The following CADPS2 variants were observed in gnomAD, a reference collection of about 807,000 sequenced individuals.
The protein encoded by CADPS2 is calcium-dependent secretion activator 2.
In CADPS2, 93 loss-of-function variants were observed where a neutral mutation model predicts 172.5. That is an observed-to-expected ratio of 0.54 (90% CI 0.46 to 0.64). CADPS2 has a LOEUF of 0.64. CADPS2 is among the 30% of genes least tolerant of loss of function. The pLI is 0.00. For missense variants in CADPS2, 1,420 were observed against 1,565.9 expected (o/e 0.91, Z 1.57); for synonymous variants, 546 against 555.2 (o/e 0.98, Z 0.23).
At chr7:122,749,584 T>C (rs142030042) in intron 1 of CADPS2, among the ~76,000 whole-genome samples, 6 of 152,214 alleles carry the variant, frequency 3.9e-5, no homozygotes, top group African/African-American at 1.4e-4. Flanking sequence ...GTAAATTAAA[T>C]TATATTGATT....
At chr7:122,526,309 A>G (rs2061231540) in intron 8 of CADPS2, among the ~76,000 whole-genome samples, 1 of 152,050 alleles carries the variant, frequency 6.6e-6, no homozygotes, top group South Asian at 2.1e-4. Flanking sequence ...CTCATGCCTC[A>G]GCCTCCTGAG....
chr7:122,787,329 T>C (rs1794280432), intron 1 of CADPS2, among the ~76,000 whole-genome samples: 1 of 152,202 alleles, frequency 6.6e-6, no homozygotes, highest in African/African-American at 2.4e-5. Context: ...ATGTATTCCT[T>C]GGAGAATTCA....
chr7:122,616,974 A>G (rs1315340401), intron 5 of CADPS2, among the ~76,000 whole-genome samples: 1 of 152,246 alleles, frequency 6.6e-6, no homozygotes, highest in Non-Finnish European at 1.5e-5. Flanking sequence ...TTTAAAATGT[A>G]TGAAACAACA....
chr7:122,859,310 G>A (rs1323170528), intron 1 of CADPS2, among the ~76,000 whole-genome samples: 1 of 152,168 alleles, frequency 6.6e-6, no homozygotes, highest in African/African-American at 2.4e-5. Flanking sequence ...TTAATTAGAT[G>A]ACATCCTTCT....
chr7:122,352,079 G>A (rs1378874226), intron 27 of CADPS2, among the ~76,000 whole-genome samples: 2 of 152,188 alleles, frequency 1.3e-5, no homozygotes, highest in African/African-American at 4.8e-5. Flanking sequence ...GGGACTATGA[G>A]GATCAAGTAT....
intron 2 of CADPS2, among the ~76,000 whole-genome samples, chr7:122,677,806 T>C (rs1266542617): frequency 6.6e-6 from 1 of 152,162 alleles, no homozygotes; most frequent in South Asian, 2.1e-4. Context: ...ATTTATCAAT[T>C]TGTGGCTCAT....
At chr7:122,560,442 A>G (rs538593191) in intron 7 of CADPS2, among the ~76,000 whole-genome samples, 1 of 152,304 alleles carries the variant, frequency 6.6e-6, no homozygotes, top group African/African-American at 2.4e-5. Context: ...CAAGTAAAGA[A>G]TAATTCCCCT....
chr7:122,774,784 T>A (rs1451434750), intron 1 of CADPS2, among the ~76,000 whole-genome samples: 1 of 152,208 alleles, frequency 6.6e-6, no homozygotes, highest in African/African-American at 2.4e-5. Flanking sequence ...ATTTATTAAC[T>A]TTCCTTTGAG....
chr7:122,574,375 G>C (rs921563856), intron 7 of CADPS2, among the ~76,000 whole-genome samples: 1 of 143,786 alleles, frequency 7.0e-6, no homozygotes, highest in Non-Finnish European at 1.5e-5. Context: ...GAGCCTAGCA[G>C]GTGGAGGCTG....
rs184065081 is a variant in CADPS2, at chr7:122,704,831, T to A, written c.453+32124A>T. Among the ~76,000 whole-genome samples the A allele has an allele frequency of 1.5e-3, 231 of 152,170 alleles. 1 individual carries two copies. Among genetic ancestry groups the A allele is most frequent in the Non-Finnish European group, 2.3e-3 (155 of 67,998 alleles). On this transcript the variant is annotated intron_variant, in intron 2 of 29. Transcript: ENST00000449022. Reference sequence around the variant, plus strand: ...GACATCTGGCTGCTTCTGCAGACATTTTTTGATTGTCACAATTAGAGAGTG... The same window carrying A: ...GACATCTGGCTGCTTCTGCAGACATATTTTGATTGTCACAATTAGAGAGTG...
At chr7:122,449,305 G>T (rs1195231550) in intron 15 of CADPS2, among the ~76,000 whole-genome samples, 1 of 152,002 alleles carries the variant, frequency 6.6e-6, no homozygotes, top group African/African-American at 2.4e-5. Context: ...CAACCTAGGA[G>T]ACAACACTTT....
intron 1 of CADPS2, among the ~76,000 whole-genome samples, chr7:122,816,050 T>G (rs796423150): frequency 3.7e-4 from 56 of 152,284 alleles, no homozygotes; most frequent in African/African-American, 1.3e-3. Context: ...TTTAGTTATG[T>G]TGAAATATAC....
At chr7:122,744,444 GT>G (rs1217825644) in intron 1 of CADPS2, among the ~76,000 whole-genome samples, 3 of 152,176 alleles carry the variant, frequency 2.0e-5, no homozygotes, top group East Asian at 1.9e-4. Flanking sequence ...ACTATCGTGT[GT>G]TTTTTTGTAA....
At chr7:122,506,994 C>A (rs1187633601) in intron 9 of CADPS2, among the ~76,000 whole-genome samples, 1 of 151,966 alleles carries the variant, frequency 6.6e-6, no homozygotes, top group African/African-American at 2.4e-5. Flanking sequence ...TTTAAAATTC[C>A]ACAGATAAAG....
chr7:122,325,114 C>A (rs1271508011), intron 29 of CADPS2, among the ~76,000 whole-genome samples: 2 of 152,002 alleles, frequency 1.3e-5, no homozygotes, highest in Non-Finnish European at 2.9e-5. Flanking sequence ...GTACAAAAGC[C>A]CTCACAATGA....
chr7:122,589,588 G>A (rs1315083323), intron 6 of CADPS2, among the ~76,000 whole-genome samples: 1 of 151,866 alleles, frequency 6.6e-6, no homozygotes, highest in East Asian at 1.9e-4. Context: ...AAATGACGAA[G>A]ATAAGTAAGT....
At chr7:122,451,322 G>T in intron 15 of CADPS2, 52 bp downstream of exon 15, 1 of 955,178 alleles carries the variant, frequency 1.0e-6, no homozygotes, top group Non-Finnish European at 1.5e-6. Context: ...GGGGAAGTAA[G>T]GGTTGAGTAA....
At position 122,621,630 on chromosome 7, in the gene CADPS2, T is replaced by A. The variant is rs2075615923; in HGVS notation, c.955A>T (p.Asn319Tyr). The A allele has an allele frequency of 1.2e-6, 2 of 1,613,774 alleles. No homozygotes were observed. The highest frequency in any genetic ancestry group is 1.7e-6 in the Non-Finnish European group (2 of 1,179,722). Residue 319 changes from asparagine (N) to tyrosine (Y), a missense_variant, in exon 5 of 30, where the codon AAT becomes TAT. Transcript: ENST00000449022. Reference protein sequence around the residue: ...LRSSVNLLMANLESLPVSKGG... With the variant: ...LRSSVNLLMAYLESLPVSKGG... ...TTCGAAACTGGAAGACTTTCCAAAT[T>A]GGCCATTAGCAAATTCACTGAAGAC...
intron 28 of CADPS2, among the ~76,000 whole-genome samples, chr7:122,332,314 G>C (rs189814490): frequency 6.6e-6 from 1 of 151,488 alleles, no homozygotes; most frequent in South Asian, 2.1e-4. Flanking sequence ...TTGTTCTACT[G>C]TAGTAAAACA....
Sources: allele counts gnomAD v4.1 joint callset (sites outside exome capture counted in the v4.1 genomes callset), GRCh38; gene constraint gnomAD v4.1.1; transcripts MANE v1.5; gene names NCBI Gene and HGNC (gene_info 2026-07-23, HGNC 2026-07-21).